Variants in FBN1 observed in about 807,000 individuals in gnomAD.
FBN1 encodes the protein fibrillin 1, also known as fibrillin-1.
Under a neutral mutation model 365.1 loss-of-function variants are expected in FBN1, and 29 were observed. That is an observed-to-expected ratio of 0.08 (90% CI 0.06 to 0.11). The LOEUF is 0.11. Among genes scored for constraint, FBN1 ranks in the 10% least tolerant of loss-of-function variants. The pLI is 1.00. For missense variants in FBN1, 2,476 were observed against 3,703.2 expected (o/e 0.67, Z 8.60); for synonymous variants, 1,210 against 1,270.5 (o/e 0.95, Z 1.01).
At chr15:48,595,840 C>T (rs2044511169) in intron 6 of FBN1, among the ~76,000 whole-genome samples, 1 of 152,176 alleles carries the variant, frequency 6.6e-6, no homozygotes, top group Admixed American at 6.5e-5. Context: ...AGCTTGTACA[C>T]CTCTACAGCC....
intron 9 of FBN1, 99 bp downstream of exon 9, chr15:48,526,031 T>A (rs2043909193): frequency 6.7e-7 from 1 of 1,491,350 alleles, no homozygotes; most frequent in Non-Finnish European, 9.3e-7. Flanking sequence ...TTACCTCAGT[T>A]GATAAATTAT....
At chr15:48,514,654 C>G (rs887127983) in intron 12 of FBN1, among the ~76,000 whole-genome samples, 1 of 152,126 alleles carries the variant, frequency 6.6e-6, no homozygotes, top group Non-Finnish European at 1.5e-5. Flanking sequence ...TTTAAAATAA[C>G]TAGTCTAAGA....
intron 32 of FBN1, among the ~76,000 whole-genome samples, chr15:48,480,330 A>G (rs2043456478): frequency 6.6e-6 from 1 of 152,158 alleles, no homozygotes; most frequent in African/African-American, 2.4e-5. Flanking sequence ...CCAGACCATC[A>G]TCCCTTACCA....
chr15:48,419,420 G>C (rs2042924107), intron 63 of FBN1, among the ~76,000 whole-genome samples: 1 of 152,124 alleles, frequency 6.6e-6, no homozygotes. Context: ...AATGAGAACA[G>C]ACAGGCTCAT....
chr15:48,626,130 C>T (rs1203513930), intron 2 of FBN1, among the ~76,000 whole-genome samples: 2 of 151,876 alleles, frequency 1.3e-5, no homozygotes, highest in Admixed American at 6.6e-5. Context: ...GTGGCATGCA[C>T]CTGTAGCTTC....
chr15:48,546,936 A>G (rs777921649), intron 6 of FBN1, among the ~76,000 whole-genome samples: 16 of 152,114 alleles, frequency 1.1e-4, no homozygotes, highest in South Asian at 4.2e-4. Context: ...AAACGGGGAA[A>G]CTAGGGAAGA....
intron 50 of FBN1, 145 bp downstream of exon 50, chr15:48,441,576 A>T: frequency 9.8e-7 from 1 of 1,021,174 alleles, no homozygotes; most frequent in Non-Finnish European, 1.5e-6. Flanking sequence ...ACCTTCTGAC[A>T]TATGGTTATC....
intron 45 of FBN1, among the ~76,000 whole-genome samples, chr15:48,452,291 GCAGCAGAC>G (rs1320648247): frequency 6.6e-6 from 1 of 152,114 alleles, no homozygotes; most frequent in Non-Finnish European, 1.5e-5. Context: ...TGCAGGCAGG[GCAGCAGAC>G]AGGCAAATAC....
rs954392605 is a variant in FBN1 at position 48,522,785 on chromosome 15, G to C, written c.989-1968C>G. On this transcript the variant is annotated intron_variant, in intron 9 of 65. Transcript: ENST00000316623. ...AGACAAACCATAAAAGAAAATTATG[G>C]GTCAGTTTTAAAGGATACAAGATTA... 1.8e-4 allele frequency among the ~76,000 whole-genome samples: 27 copies of C among 152,134 alleles called. No homozygotes were observed. In the East Asian group the frequency reaches 1.9e-3, roughly 11 times the overall value.
chr15:48,566,225 C>T (rs1214321214), intron 6 of FBN1, among the ~76,000 whole-genome samples: 2 of 152,128 alleles, frequency 1.3e-5, no homozygotes, highest in Non-Finnish European at 2.9e-5. Context: ...GATTTACCAC[C>T]CTTTTCATTT....
At chr15:48,511,293 T>C (rs1421717696) in intron 13 of FBN1, among the ~76,000 whole-genome samples, 2 of 152,152 alleles carry the variant, frequency 1.3e-5, no homozygotes, top group Non-Finnish European at 2.9e-5. Context: ...GTCTGGGCTT[T>C]TCTTCTGTCT....
intron 32 of FBN1, 102 bp downstream of exon 32, chr15:48,481,553 T>C: frequency 1.6e-6 from 2 of 1,215,686 alleles, no homozygotes; most frequent in South Asian, 2.9e-5. Flanking sequence ...TGTTTTATAA[T>C]ATAGTTAAAA....
At chr15:48,472,754 T>G (rs2043388199) in intron 34 of FBN1, 78 bp from the exon 35 acceptor site, 2 of 1,600,746 alleles carry the variant, frequency 1.2e-6, no homozygotes, top group East Asian at 4.5e-5. Flanking sequence ...AACTTTCCAG[T>G]GCAGCAATGT....
intron 6 of FBN1, among the ~76,000 whole-genome samples, chr15:48,586,688 T>C (rs2044437993): frequency 6.6e-6 from 1 of 152,190 alleles, no homozygotes; most frequent in African/African-American, 2.4e-5. Flanking sequence ...TGAATCCTCT[T>C]AGGAACCCAA....
chr15:48,456,835 A>AGCGC (rs2043242894), intron 43 of FBN1, 73 bp from the exon 44 acceptor site: 1 of 1,111,146 alleles, frequency 9.0e-7, no homozygotes, highest in African/African-American at 2.8e-5. Flanking sequence ...CAAGATGGAA[A>AGCGC]GTGCGTGCGT....
At chr15:48,493,557 A>G (rs1407321320) in intron 23 of FBN1, among the ~76,000 whole-genome samples, 1 of 152,186 alleles carries the variant, frequency 6.6e-6, no homozygotes, top group Admixed American at 6.5e-5. Flanking sequence ...TGGACCAGAG[A>G]AAGGCCAAAG....
intron 2 of FBN1, among the ~76,000 whole-genome samples, chr15:48,627,707 G>A (rs1889911261): frequency 6.6e-6 from 1 of 152,218 alleles, no homozygotes; most frequent in African/African-American, 2.4e-5. Context: ...CCATTACACA[G>A]AGAAAGTGGT....
intron 65 of FBN1, among the ~76,000 whole-genome samples, chr15:48,412,193 G>A (rs2042868985): frequency 6.6e-6 from 1 of 152,324 alleles, no homozygotes; most frequent in Middle Eastern, 3.4e-3. Flanking sequence ...TTTCAGTAGA[G>A]GAGCCTCTAG....
At chr15:48,583,431 G>A (rs765363780) in intron 6 of FBN1, among the ~76,000 whole-genome samples, 2 of 152,136 alleles carry the variant, frequency 1.3e-5, no homozygotes, top group African/African-American at 4.8e-5. Flanking sequence ...ATGAGTAAAA[G>A]CATCCCCCAC....
Sources: allele counts gnomAD v4.1 joint callset (sites outside exome capture counted in the v4.1 genomes callset), GRCh38; gene constraint gnomAD v4.1.1; transcripts MANE v1.5; gene names NCBI Gene and HGNC (gene_info 2026-07-23, HGNC 2026-07-21).